The following FAM13A variants were observed in gnomAD, a reference collection of about 807,000 sequenced individuals.
FAM13A encodes family with sequence similarity 13 member A, also known as protein FAM13A.
FAM13A carries 76 observed loss-of-function variants against 129.6 expected under a neutral mutation model. The ratio of observed to expected loss-of-function variants is 0.59; its 90% CI spans 0.49 to 0.71. The LOEUF (loss-of-function observed/expected upper bound fraction) is 0.71, where lower values mean the gene tolerates loss of function less well. FAM13A is among the 30% of genes least tolerant of loss of function. The pLI is 0.00. For missense variants in FAM13A, 1,108 were observed against 1,249.3 expected (o/e 0.89, Z 1.70); for synonymous variants, 443 against 449.9 (o/e 0.98, Z 0.20).
intron 6 of FAM13A, among the ~76,000 whole-genome samples, chr4:88,867,938 G>A (rs551822996): frequency 6.6e-6 from 1 of 152,096 alleles, no homozygotes; most frequent in Non-Finnish European, 1.5e-5. Context: ...AACTATAAAT[G>A]CTTTTTGAAA....
At chr4:88,911,784 TTTTG>T (rs1157737630) in intron 5 of FAM13A, among the ~76,000 whole-genome samples, 7 of 152,320 alleles carry the variant, frequency 4.6e-5, no homozygotes, top group African/African-American at 9.6e-5. Context: ...ATCTTCTCAT[TTTTG>T]TTTGTTTATT....
intron 3 of FAM13A, among the ~76,000 whole-genome samples, chr4:88,998,146 C>T (rs1438357497): frequency 6.6e-6 from 1 of 152,090 alleles, no homozygotes; most frequent in Non-Finnish European, 1.5e-5. Context: ...TTGATTTTGG[C>T]CTTGTGAGAT....
At chr4:88,945,941 G>A (rs1236057064) in intron 4 of FAM13A, among the ~76,000 whole-genome samples, 2 of 123,962 alleles carry the variant, frequency 1.6e-5, no homozygotes, top group Non-Finnish European at 3.3e-5. Flanking sequence ...TATATGCATA[G>A]TATATTTATA....
At chr4:88,971,150 G>A (rs568570327) in intron 4 of FAM13A, among the ~76,000 whole-genome samples, 272 of 152,232 alleles carry the variant, frequency 1.8e-3, no homozygotes, top group Non-Finnish European at 2.9e-3. Context: ...CCCGGGAGGC[G>A]GAGCTTGCAG....
chr4:88,964,526 T>TC (rs1307813182), intron 4 of FAM13A, among the ~76,000 whole-genome samples: 1 of 151,906 alleles, frequency 6.6e-6, no homozygotes, highest in Non-Finnish European at 1.5e-5. Context: ...TCTGGAAATT[T>TC]TTTTTTTTTT....
At chr4:88,971,960 C>T (rs1195383502) in intron 4 of FAM13A, among the ~76,000 whole-genome samples, 1 of 152,176 alleles carries the variant, frequency 6.6e-6, no homozygotes, top group Non-Finnish European at 1.5e-5. Context: ...TTCTACATCT[C>T]CTTCAATAAC....
chr4:88,839,678 G>T (rs1316552439), intron 7 of FAM13A, among the ~76,000 whole-genome samples: 1 of 152,192 alleles, frequency 6.6e-6, no homozygotes, highest in Non-Finnish European at 1.5e-5. Flanking sequence ...CTTGAGGCCA[G>T]GAGTTTGAGA....
intron 6 of FAM13A, among the ~76,000 whole-genome samples, chr4:88,859,953 C>G (rs1055150502): frequency 7.2e-5 from 11 of 152,128 alleles, no homozygotes; most frequent in African/African-American, 2.7e-4. Flanking sequence ...AATGAATATT[C>G]AAAATACTAT....
intron 14 of FAM13A, among the ~76,000 whole-genome samples, chr4:88,758,483 G>A (rs1446946184): frequency 2.0e-5 from 3 of 151,664 alleles, no homozygotes; most frequent in Admixed American, 1.3e-4. Flanking sequence ...CAGCACTCCC[G>A]GTGAGTCACA....
intron 1 of FAM13A, among the ~76,000 whole-genome samples, chr4:89,048,515 C>A (rs532312177): frequency 1.2e-4 from 18 of 152,060 alleles, no homozygotes; most frequent in African/African-American, 4.3e-4. Flanking sequence ...GATGCTTGCA[C>A]AATTGGTCAA....
chr4:88,890,793 A>G (rs1007574577), intron 6 of FAM13A, among the ~76,000 whole-genome samples: 1 of 152,192 alleles, frequency 6.6e-6, no homozygotes, highest in East Asian at 1.9e-4. Flanking sequence ...AGGTCTCAAA[A>G]GAGAATACTA....
chr4:88,734,371 G>GCAT (rs1190470943), intron 21 of FAM13A, among the ~76,000 whole-genome samples: 1 of 152,172 alleles, frequency 6.6e-6, no homozygotes, highest in Non-Finnish European at 1.5e-5. Context: ...CAAAGAAAAG[G>GCAT]CATATTTCAA....
At chr4:88,841,301 C>T (rs1472749263) in intron 7 of FAM13A, among the ~76,000 whole-genome samples, 1 of 152,006 alleles carries the variant, frequency 6.6e-6, no homozygotes, top group Non-Finnish European at 1.5e-5. Flanking sequence ...CAAGACCAGC[C>T]TGACCAACAT....
chr4:88,757,804 A>C (rs1743981605), intron 14 of FAM13A, among the ~76,000 whole-genome samples: 1 of 152,196 alleles, frequency 6.6e-6, no homozygotes, highest in Non-Finnish European at 1.5e-5. Flanking sequence ...AAGGTCATTA[A>C]GATAACTTCT....
intron 4 of FAM13A, among the ~76,000 whole-genome samples, chr4:88,948,759 G>T (rs534278564): frequency 2.6e-5 from 4 of 152,294 alleles, no homozygotes; most frequent in African/African-American, 9.6e-5. Context: ...AAAGTGCTGG[G>T]ATTACAGGTG....
chr4:88,974,445 AGACCAG>A lies in FAM13A; in HGVS notation c.605+16522_605+16527del, dbSNP rs556343096. Among the ~76,000 whole-genome samples, 31 of 152,258 alleles carry A rather than the reference AGACCAG, an allele frequency of 2.0e-4. No homozygotes were observed. The South Asian group carries it at 6.4e-3, about 32-fold the overall frequency. On this transcript the variant is annotated intron_variant, in intron 4 of 23. Transcript: ENST00000264344. Reference sequence around the variant, plus strand: ...GGTGATTCCAAGCTCCTTAAATGCTAGACCAGGAACCAAAAGTCACCTGATTTATTT... The same window carrying A: ...GGTGATTCCAAGCTCCTTAAATGCTAGAACCAAAAGTCACCTGATTTATTT...
chr4:88,858,766 G>C (rs1392196202), intron 6 of FAM13A, among the ~76,000 whole-genome samples: 2 of 152,160 alleles, frequency 1.3e-5, no homozygotes, highest in African/African-American at 2.4e-5. Context: ...TGGGTATGGG[G>C]TTTCTTTTGA....
intron 6 of FAM13A, among the ~76,000 whole-genome samples, chr4:88,852,099 A>C (rs1265273826): frequency 6.6e-6 from 1 of 151,448 alleles, no homozygotes; most frequent in African/African-American, 2.4e-5. Flanking sequence ...AAACCAAACC[A>C]ATCCTAACTT....
At chr4:88,793,608 T>C (rs1232774368) in intron 8 of FAM13A, among the ~76,000 whole-genome samples, 1 of 151,966 alleles carries the variant, frequency 6.6e-6, no homozygotes, top group Non-Finnish European at 1.5e-5. Context: ...ACAAAATCAC[T>C]GGCAGGTTGT....
Sources: gnomAD v4.1 joint callset for allele counts (sites outside exome capture counted in the v4.1 genomes callset) on GRCh38, gnomAD v4.1.1 for gene constraint, MANE v1.5 for transcripts, NCBI Gene and HGNC (gene_info 2026-07-23, HGNC 2026-07-21) for gene names.